GRHL2: variants seen among roughly 807,000 people sequenced by gnomAD.
GRHL2 encodes grainyhead-like protein 2 homolog.
A neutral mutation model predicts 83.8 loss-of-function variants in GRHL2; 21 were observed. The ratio of observed to expected loss-of-function variants is 0.25; its 90% CI spans 0.18 to 0.36. GRHL2 has a LOEUF of 0.36. Among genes scored for constraint, GRHL2 ranks in the 10% least tolerant of loss-of-function variants. The probability of loss-of-function intolerance (pLI) is 1.00; values close to 1 mark genes in which losing one functional copy is unlikely to be tolerated. For missense variants in GRHL2, 623 were observed against 781.8 expected, an observed-to-expected ratio of 0.80 and a Z score of 2.42; for synonymous variants, 280 against 278.9, an observed-to-expected ratio of 1.00 and a Z score of -0.04.
At chr8:101,623,194 A>G (rs916596291) in intron 9 of GRHL2, among the ~76,000 whole-genome samples, 1 of 152,262 alleles carries the variant, frequency 6.6e-6, no homozygotes, top group Non-Finnish European at 1.5e-5. Context: ...ATAGCAGTAA[A>G]TATCCCTAAA....
intron 8 of GRHL2, among the ~76,000 whole-genome samples, chr8:101,610,152 A>C (rs1812718322): frequency 6.6e-6 from 1 of 150,854 alleles, no homozygotes; most frequent in Non-Finnish European, 1.5e-5. Flanking sequence ...TTTCTGCCTG[A>C]GAGACTTCCC....
chr8:101,577,561 G>A (rs1811958710), intron 7 of GRHL2, 42 bp downstream of exon 7: 2 of 1,332,054 alleles, frequency 1.5e-6, no homozygotes, highest in Non-Finnish European at 2.2e-6. Flanking sequence ...TCGATAAACT[G>A]ACATGTTGTC....
At chr8:101,608,772 CACA>C (rs1464173613) in intron 8 of GRHL2, among the ~76,000 whole-genome samples, 3 of 133,552 alleles carry the variant, frequency 2.2e-5, no homozygotes, top group African/African-American at 9.8e-5. Context: ...CACACACACA[CACA>C]CACCTACACC....
chr8:101,521,391 C>T (rs553611774), intron 1 of GRHL2, among the ~76,000 whole-genome samples: 1 of 152,300 alleles, frequency 6.6e-6, no homozygotes, highest in African/African-American at 2.4e-5. Context: ...TGACGGGCAA[C>T]AGGATCTTTG....
intron 6 of GRHL2, among the ~76,000 whole-genome samples, chr8:101,577,048 A>G (rs998969993): frequency 6.6e-6 from 1 of 152,308 alleles, no homozygotes; most frequent in East Asian, 1.9e-4. Flanking sequence ...TAGAAATTTC[A>G]AAAGAATGCT....
intron 1 of GRHL2, among the ~76,000 whole-genome samples, chr8:101,532,560 A>G (rs538451020): frequency 6.6e-6 from 1 of 151,978 alleles, no homozygotes; most frequent in South Asian, 2.1e-4. Flanking sequence ...GACTAGCCTG[A>G]CCAACATGGT....
chr8:101,647,768 A>G (rs968744687), intron 13 of GRHL2, among the ~76,000 whole-genome samples: 2 of 149,438 alleles, frequency 1.3e-5, no homozygotes, highest in African/African-American at 5.0e-5. Flanking sequence ...TTCATACACT[A>G]ACTGAACATC....
At chr8:101,578,438 C>T (rs908055915) in intron 7 of GRHL2, among the ~76,000 whole-genome samples, 2 of 152,150 alleles carry the variant, frequency 1.3e-5, no homozygotes, top group Admixed American at 6.5e-5. Flanking sequence ...GAATTTAACT[C>T]GGAGTCAGAG....
intron 5 of GRHL2, among the ~76,000 whole-genome samples, chr8:101,570,624 T>C (rs1586105576): frequency 1.3e-5 from 2 of 149,996 alleles, no homozygotes; most frequent in East Asian, 3.9e-4. Flanking sequence ...TGGCTAGACA[T>C]TCTTTTGTAG....
intron 12 of GRHL2, among the ~76,000 whole-genome samples, chr8:101,643,010 T>C (rs1813432642): frequency 1.3e-5 from 2 of 152,170 alleles, no homozygotes; most frequent in Admixed American, 6.5e-5. Context: ...ACCAAGGTAA[T>C]GTGGTCTCAG....
In GRHL2 at chr8:101,615,253, G is replaced by A. The variant is rs1435778847; in HGVS notation, c.1099-4286G>A. Among the ~76,000 whole-genome samples the A allele has an allele frequency of 2.6e-5, 4 of 152,226 alleles. No homozygotes were observed. In the East Asian group the frequency reaches 7.7e-4, roughly 29 times the overall value. On this transcript the variant is annotated intron_variant, in intron 8 of 15. Coordinates refer to ENST00000646743, the MANE Select transcript of GRHL2 (RefSeq NM_024915.4). The stretch of plus-strand genomic sequence containing the variant: ...AAGCAGTTATTTCAGTGGATCTGGT[G>A]GGTCTGTCCCACTTAAATGGCCCTT...
At chr8:101,614,203 T>C (rs1210382647) in intron 8 of GRHL2, among the ~76,000 whole-genome samples, 1 of 151,058 alleles carries the variant, frequency 6.6e-6, no homozygotes, top group Non-Finnish European at 1.5e-5. Flanking sequence ...AACCACAAAA[T>C]GGGAATTGTA....
intron 14 of GRHL2, among the ~76,000 whole-genome samples, chr8:101,655,290 G>A (rs147701864): frequency 8.5e-4 from 129 of 152,300 alleles, no homozygotes; most frequent in African/African-American, 2.9e-3. Context: ...TGGGGAACTT[G>A]ACTGACTTGG....
intron 3 of GRHL2, among the ~76,000 whole-genome samples, chr8:101,556,153 C>T (rs1023245253): frequency 1.3e-5 from 2 of 152,136 alleles, no homozygotes; most frequent in Non-Finnish European, 2.9e-5. Context: ...GATGGCGTTT[C>T]TCCATGGTGG....
At chr8:101,639,357 C>T (rs1813352053) in intron 12 of GRHL2, among the ~76,000 whole-genome samples, 1 of 152,208 alleles carries the variant, frequency 6.6e-6, no homozygotes, top group East Asian at 1.9e-4. Context: ...TAATAATTAA[C>T]ATTACTGGAT....
chr8:101,637,876 C>T (rs751744501), intron 12 of GRHL2, among the ~76,000 whole-genome samples: 1 of 152,190 alleles, frequency 6.6e-6, no homozygotes, highest in African/African-American at 2.4e-5. Flanking sequence ...CCCTTTCCTC[C>T]CTGCAACTGT....
chr8:101,514,352 A>G (rs1007728481), intron 1 of GRHL2, among the ~76,000 whole-genome samples: 14 of 152,208 alleles, frequency 9.2e-5, no homozygotes, highest in African/African-American at 2.7e-4. Context: ...AGCAGACACC[A>G]TGATGAGGTT....
At chr8:101,595,478 A>G (rs976061304) in intron 7 of GRHL2, among the ~76,000 whole-genome samples, 2 of 152,158 alleles carry the variant, frequency 1.3e-5, no homozygotes, top group African/African-American at 4.8e-5. Context: ...TTATTTTTAA[A>G]TGTGTATTTA....
At chr8:101,610,826 G>T (rs1367710151) in intron 8 of GRHL2, among the ~76,000 whole-genome samples, 1 of 150,898 alleles carries the variant, frequency 6.6e-6, no homozygotes, top group Non-Finnish European at 1.5e-5. Flanking sequence ...CCACTTGAAA[G>T]CCAGACTCAA....
Sources: gnomAD v4.1 joint callset for allele counts (sites outside exome capture counted in the v4.1 genomes callset) on GRCh38, gnomAD v4.1.1 for gene constraint, MANE v1.5 for transcripts, NCBI Gene and HGNC (gene_info 2026-07-23, HGNC 2026-07-21) for gene names.